KIAA1549: variants seen among roughly 807,000 people sequenced by gnomAD.
KIAA1549 encodes the protein UPF0606 protein KIAA1549.
A neutral mutation model predicts 156.4 loss-of-function variants in KIAA1549; 70 were observed. The observed-to-expected ratio is 0.45, with a 90% CI of 0.37 to 0.55. The LOEUF is 0.55. Ranked by LOEUF, KIAA1549 falls within the 20% of genes least tolerant of loss-of-function variation. The pLI is 0.00. For missense variants in KIAA1549, 2,428 were observed against 2,540.9 expected, an observed-to-expected ratio of 0.96 and a Z score of 0.96; for synonymous variants, 1,103 against 1,066.4, an observed-to-expected ratio of 1.03 and a Z score of -0.67.
chr7:138,937,753 C>T (rs540326229), intron 1 of KIAA1549, among the ~76,000 whole-genome samples: 2 of 152,288 alleles, frequency 1.3e-5, no homozygotes, highest in African/African-American at 4.8e-5. Context: ...TTGAGACTCA[C>T]ATGGACGGTG....
rs749938588 is a variant in KIAA1549, at chr7:138,832,191, C to CTTTTTTT, written c.*5708_*5714dup. On this transcript the variant is annotated 3_prime_UTR_variant, in exon 20 of 20. Coordinates refer to ENST00000422774, the MANE Select transcript of KIAA1549 (RefSeq NM_001164665.2). Reference sequence around the variant, plus strand: ...TCACCTCTGTCCCTTTTACCTATTCCTTTTTTTTTTTTTTTTTTTTCCAGA... The same window carrying CTTTTTTT: ...TCACCTCTGTCCCTTTTACCTATTCCTTTTTTTTTTTTTTTTTTTTTTTTTTTCCAGA... The CTTTTTTT allele has an allele frequency of 6.3e-4, 91 of 143,756 alleles. 3 individuals carry two copies. Among genetic ancestry groups the CTTTTTTT allele is most frequent in the African/African-American group, 2.9e-3 (88 of 30,004 alleles). 8.9% of individuals were successfully genotyped at this position (143,756 alleles called of 1,614,324 possible).
intron 2 of KIAA1549, among the ~76,000 whole-genome samples, 176 bp from the exon 3 acceptor site, chr7:138,912,636 A>G (rs554761563): frequency 6.6e-6 from 1 of 152,156 alleles, no homozygotes; most frequent in South Asian, 2.1e-4. Context: ...GCTGCTAACT[A>G]CCTGGAGAAG....
rs1481881807 is a variant in KIAA1549, at chr7:138,903,855, G to GCA, written c.3521-120_3521-119insTG. 8 of 494,210 alleles carry GCA rather than the reference G, an allele frequency of 1.6e-5. 1 individual carries two copies. The highest frequency in any genetic ancestry group is 8.3e-5 in the South Asian group (3 of 35,932). The allele number at this position is 494,210 out of a possible 1,614,324, so 30.6% of individuals were successfully genotyped here. On this transcript the variant is annotated intron_variant, in intron 7 of 19. Transcript: ENST00000422774. ...TGTGTGTGTGTGTGTGTGTGTGTGC[G>GCA]CGCGCGCGCGCGCGCACATATGTAT...
intron 1 of KIAA1549, among the ~76,000 whole-genome samples, chr7:138,927,017 C>T (rs531477507): frequency 3.6e-4 from 55 of 152,208 alleles, no homozygotes; most frequent in African/African-American, 1.3e-3. Context: ...GTATGTAGCC[C>T]TAAAGAATAT....
In KIAA1549 at chr7:138,917,424, C is replaced by T. The variant is rs772661539; in HGVS notation, c.2202G>A (p.Thr734=). 1.1e-5 allele frequency: 17 copies of T among 1,613,744 alleles called. No individual in the cohort carries two copies. Among genetic ancestry groups the T allele is most frequent in the East Asian group, 4.5e-5 (2 of 44,890 alleles). ...SDSLEFVEAS[T]VSLTDSEAHF... Reference sequence around the variant, plus strand: ...GAGCTTCTGAATCCGTCAGTGAAACCGTAGACGCTTCAACAAACTCGAGAG... The same window carrying T: ...GAGCTTCTGAATCCGTCAGTGAAACTGTAGACGCTTCAACAAACTCGAGAG... Residue 734 remains threonine (T), a synonymous_variant, in exon 2 of 20, where the codon ACG becomes ACA. Transcript: ENST00000422774.
chr7:138,880,304 T>C (rs1025085475), intron 11 of KIAA1549, among the ~76,000 whole-genome samples: 6 of 152,146 alleles, frequency 3.9e-5, no homozygotes, highest in Non-Finnish European at 8.8e-5. Context: ...TAAATGTCAA[T>C]GACAAGGCTA....
rs970996549 is a variant in KIAA1549, at chr7:138,869,905, A to G, written c.4552-144T>C. The G allele has an allele frequency of 4.6e-6, 3 of 650,102 alleles. No individual in the cohort carries two copies. In the South Asian group the frequency reaches 6.0e-5, roughly 13 times the overall value. The allele number at this position is 650,102 out of a possible 1,614,324, so 40.3% of individuals were successfully genotyped here. On this transcript the variant is annotated intron_variant, in intron 13 of 19. Coordinates refer to ENST00000422774, the MANE Select transcript of KIAA1549 (RefSeq NM_001164665.2). ...CACTCTGTTGCCCAGGCTGGAGTGC[A>G]ATGGCATGATCTCAGCTCGCTGCAA...
At position 138,981,168 on chromosome 7, in the gene KIAA1549, G is replaced by A. The variant is rs2130587582; in HGVS notation, c.102C>T (p.Ala34=). The change falls in exon 1 of 20, where the codon GCC becomes GCT. Residue 34 remains alanine (A), a synonymous_variant. Transcript: ENST00000422774. The surrounding 1 kb of genome is among the most constrained non-coding windows in gnomAD (Gnocchi z 4.5). Reference sequence around the variant, plus strand: ...CCGGGCGGCGGCGGCGGGCGCAGCGGGCGGAAGGCCGTCGGCCGCTCGGCC... The same window carrying A: ...CCGGGCGGCGGCGGCGGGCGCAGCGAGCGGAAGGCCGTCGGCCGCTCGGCC... ...APGPSGRRPS[A]RCARRRRPGL... 8.5e-7 allele frequency: 1 copy of A among 1,171,912 alleles called. No individual in the cohort carries two copies. The highest frequency in any genetic ancestry group is 1.1e-6 in the Non-Finnish European group (1 of 949,668). The allele number at this position is 1,171,912 out of a possible 1,614,324, so 72.6% of individuals were successfully genotyped here.
At chr7:138,869,810 C>A in intron 13 of KIAA1549, 49 bp from the exon 14 acceptor site, 2 of 1,334,194 alleles carry the variant, frequency 1.5e-6, no homozygotes, top group Non-Finnish European at 2.1e-6. Flanking sequence ...TCCCGGGAAG[C>A]TTCTGGGACA....
Position 138,925,829 on chromosome 7 carries a change from CAAAAAAAAAAAAAAA to C in KIAA1549, c.188-6406_188-6392del, listed in dbSNP as rs59066216. Among the ~76,000 whole-genome samples, 29 of 44,600 alleles carry C rather than the reference CAAAAAAAAAAAAAAA, an allele frequency of 6.5e-4. No individual in the cohort carries two copies. In the Admixed American group the frequency reaches 6.9e-3, roughly 11 times the overall value. 29.3% of individuals were successfully genotyped at this position (44,600 alleles called of 152,430 possible). On this transcript the variant is annotated intron_variant, in intron 1 of 19. Transcript: ENST00000422774. ...TGGGCAACAGAGCCAGATCCTGTCT[CAAAAAAAAAAAAAAA>C]AAAAAAAAAAAAAAAAGACTAAACT...
At chr7:138,891,787 G>A (rs1340116388) in intron 10 of KIAA1549, among the ~76,000 whole-genome samples, 1 of 152,170 alleles carries the variant, frequency 6.6e-6, no homozygotes, top group Admixed American at 6.5e-5. Context: ...ATGAGCAGGA[G>A]ACAGAGCTCT....
chr7:138,925,829 CAAAAAAAAAAAAAAAA>C (rs59066216), intron 1 of KIAA1549, among the ~76,000 whole-genome samples: 4 of 44,600 alleles, frequency 9.0e-5, no homozygotes, highest in East Asian at 1.6e-3. Flanking sequence ...GATCCTGTCT[CAAAAAAAAAAAAAAAA>C]AAAAAAAAAA....
chr7:138,955,904 G>A (rs1366859597), intron 1 of KIAA1549, among the ~76,000 whole-genome samples: 1 of 152,052 alleles, frequency 6.6e-6, no homozygotes, highest in African/African-American at 2.4e-5. Context: ...TTGGGGGGTG[G>A]GGTTTTGAGA....
intron 1 of KIAA1549, among the ~76,000 whole-genome samples, chr7:138,978,536 A>G: frequency 6.6e-6 from 1 of 152,204 alleles, no homozygotes; most frequent in East Asian, 1.9e-4. Context: ...ATAGACAAGA[A>G]ATCGATTTAA....
At position 138,919,154 on chromosome 7, in the gene KIAA1549, C is replaced by T. The variant is rs772657902; in HGVS notation, c.472G>A (p.Asp158Asn). Residue 158 changes from aspartate (D) to asparagine (N), a missense_variant, in exon 2 of 20, where the codon GAT becomes AAT. Physicochemically the swap from Asp to Asn is conservative, Grantham distance 23. Transcript: ENST00000422774. ...CAGTGAGTATCTGGCAGAAAGTTAT[C>T]CATCTCATCGTCATTGACGGCCACC... is the stretch of plus-strand genomic sequence containing the variant. Reference protein sequence around the residue: ...KEVAVNDDEMDNFLPDTHWTT... With the variant: ...KEVAVNDDEMNNFLPDTHWTT... The T allele has an allele frequency of 2.9e-5, 46 of 1,613,920 alleles. No individual in the cohort carries two copies. Among genetic ancestry groups the T allele is most frequent in the Non-Finnish European group, 3.9e-5 (46 of 1,179,904 alleles).
chr7:138,977,666 A>ACACACACACACACACACACACC (rs1814419804), intron 1 of KIAA1549, among the ~76,000 whole-genome samples: 1 of 151,510 alleles, frequency 6.6e-6, no homozygotes, highest in Admixed American at 6.6e-5. Flanking sequence ...ACACACACAC[A>ACACACACACACACACACACACC]CACACACACA....
chr7:138,856,118 G>C (rs550543314), intron 16 of KIAA1549, among the ~76,000 whole-genome samples: 1 of 149,892 alleles, frequency 6.7e-6, no homozygotes, highest in Non-Finnish European at 1.5e-5. Context: ...TGCAAGCTCC[G>C]CCTCCCGGGT....
intron 15 of KIAA1549, 90 bp downstream of exon 15, chr7:138,867,885 G>C: frequency 7.2e-7 from 1 of 1,382,886 alleles, no homozygotes; most frequent in Non-Finnish European, 1.0e-6. Context: ...CAGGGCGGCA[G>C]CCAGTGCTGC....
Position 138,907,077 on chromosome 7 carries a change from G to A in KIAA1549, c.3302C>T (p.Ser1101Leu), listed in dbSNP as rs1812027963. Residue 1101 changes from serine to leucine, a missense_variant, in exon 6 of 20, where the codon TCA (serine) becomes TTA (leucine). Physicochemically the swap from Ser to Leu is moderately radical, Grantham distance 145. Coordinates refer to ENST00000422774, the MANE Select transcript of KIAA1549 (RefSeq NM_001164665.2). ...VQILNITISS[S>L]RVTPRRGPVN... ...CGGGCCCCGCCGAGGAGTCACCCTT[G>A]AGGAACTGATGGTGATATTCAAGAT... The A allele has an allele frequency of 1.2e-6, 2 of 1,601,954 alleles. No homozygotes were observed. Among genetic ancestry groups the A allele is most frequent in the Admixed American group, 1.8e-5 (1 of 56,598 alleles).
Sources: allele counts gnomAD v4.1 joint callset (sites outside exome capture counted in the v4.1 genomes callset), GRCh38; gene constraint gnomAD v4.1.1; non-coding constraint Gnocchi (gnomAD v3.1); transcripts MANE v1.5; gene names NCBI Gene and HGNC (gene_info 2026-07-23, HGNC 2026-07-21).